The following TOX3 variants were observed in gnomAD, a reference collection of about 807,000 sequenced individuals.
TOX3 encodes the protein CAG trinucleotide repeat-containing gene F9 protein.
Under a neutral mutation model 64.3 loss-of-function variants are expected in TOX3, and 22 were observed. The observed-to-expected ratio is 0.34, with a 90% confidence interval of 0.24 to 0.49. The LOEUF (loss-of-function observed/expected upper bound fraction) is 0.49. Among genes scored for constraint, TOX3 ranks in the 20% least tolerant of loss-of-function variants. The pLI, the probability that TOX3 is intolerant of heterozygous loss-of-function variation, is 0.99. For synonymous variants in TOX3, 291 were observed against 273.6 expected (o/e 1.06, Z -0.63); for missense variants, 661 against 714.4 (o/e 0.93, Z 0.85).
At chr16:52,507,180 G>T (rs183267222) in intron 1 of TOX3, among the ~76,000 whole-genome samples, 1 of 152,300 alleles carries the variant, frequency 6.6e-6, no homozygotes. Flanking sequence ...TCAAAGAATG[G>T]GGATAGAAAG....
chr16:52,492,564 AATATAT>A (rs56848244), intron 1 of TOX3, among the ~76,000 whole-genome samples: 2,726 of 90,680 alleles, frequency 0.03, 155 homozygotes, highest in African/African-American at 0.12. Flanking sequence ...GTTGTATATA[AATATAT>A]ATATATATAT....
intron 1 of TOX3, among the ~76,000 whole-genome samples, chr16:52,530,319 G>T (rs942016830): frequency 6.8e-6 from 1 of 147,408 alleles, no homozygotes; most frequent in African/African-American, 2.6e-5. Flanking sequence ...GTTAACTTAG[G>T]GTTGAACTGC....
At chr16:52,519,683 C>G (rs561945731) in intron 1 of TOX3, 29 of 1,097,910 alleles carry the variant, frequency 2.6e-5, no homozygotes, top group Non-Finnish European at 3.4e-5. Flanking sequence ...ATGGGCTGGG[C>G]GCAGTCGCTC....
intron 1 of TOX3, among the ~76,000 whole-genome samples, chr16:52,496,022 C>A (rs776098376): frequency 3.9e-5 from 6 of 152,152 alleles, no homozygotes; most frequent in Non-Finnish European, 7.3e-5. Flanking sequence ...GTATCAAATT[C>A]TACCTATCAG....
At position 52,536,674 on chromosome 16, in the gene TOX3, T is replaced by TACAC. The variant is rs1430070323; in HGVS notation, c.87+9962_87+9963insGTGT. Among the ~76,000 whole-genome samples, 4 of 89,882 alleles carry TACAC rather than the reference T, an allele frequency of 4.5e-5. 1 individual carries two copies. The East Asian group carries it at 1.4e-3, about 32-fold the overall frequency. 59.0% of individuals were successfully genotyped at this position (89,882 alleles called of 152,430 possible). ...ATATATATATATATATATATATATA[T>TACAC]ATACATGTGTATATATAGAACAAGA... On this transcript the variant is annotated intron_variant, in intron 1 of 6. Coordinates refer to ENST00000219746, the MANE Select transcript of TOX3 (RefSeq NM_001080430.4).
At position 52,463,961 on chromosome 16, in the gene TOX3, G is replaced by A. The variant is rs370214431; in HGVS notation, c.381C>T (p.Gly127=). Residue 127 remains glycine, a synonymous_variant, in exon 3 of 7, where the codon GGC becomes GGT. Transcript: ENST00000219746. Reference sequence around the variant, plus strand: ...TATGCAACCCACTGCTATGAAGCACGCCATCTTGTTCCACGAGATTTCTTG... The same window carrying A: ...TATGCAACCCACTGCTATGAAGCACACCATCTTGTTCCACGAGATTTCTTG... The part of the protein sequence containing the change: ...TISRNLVEQD[G]VLHSSGLHMD... 1.6e-5 allele frequency: 26 copies of A among 1,577,378 alleles called. No homozygotes were observed. The highest frequency in any genetic ancestry group is 9.2e-5 in the East Asian group (4 of 43,266).
chr16:52,456,160 A>C (rs1275480184), intron 3 of TOX3, among the ~76,000 whole-genome samples: 1 of 152,218 alleles, frequency 6.6e-6, no homozygotes, highest in Admixed American at 6.5e-5. Flanking sequence ...TTATATTCAC[A>C]GTGTAGAAGG....
rs2037419809 is a variant in TOX3 at position 52,443,106 on chromosome 16, A to G, written c.987+1170T>C. 2.0e-5 allele frequency among the ~76,000 whole-genome samples: 3 copies of G among 152,198 alleles called. No individual in the cohort carries two copies. The South Asian group carries it at 6.2e-4, about 31-fold the overall frequency. ...CTCTGGATAAATGAATGAATAAATGATTCACTTAAGAAGTACATGCACACT... is the reference window on the plus strand; with the variant it reads ...CTCTGGATAAATGAATGAATAAATGGTTCACTTAAGAAGTACATGCACACT... On this transcript the variant is annotated intron_variant, in intron 6 of 6. Transcript: ENST00000219746.
chr16:52,506,106 A>G (rs571814713), intron 1 of TOX3, among the ~76,000 whole-genome samples: 1 of 152,360 alleles, frequency 6.6e-6, no homozygotes, highest in South Asian at 2.1e-4. Context: ...GTAGGACAAG[A>G]GCCGTCGTGT....
At chr16:52,442,172 C>T (rs1960013109) in intron 6 of TOX3, among the ~76,000 whole-genome samples, 1 of 152,104 alleles carries the variant, frequency 6.6e-6, no homozygotes, top group Admixed American at 6.5e-5. Flanking sequence ...CTTCTTGTTC[C>T]TTTATGGCTT....
At chr16:52,532,651 G>T (rs188929491) in intron 1 of TOX3, among the ~76,000 whole-genome samples, 5 of 152,196 alleles carry the variant, frequency 3.3e-5, no homozygotes, top group Non-Finnish European at 7.3e-5. Context: ...TATCACTCGC[G>T]ATAGATAACT....
chr16:52,496,425 T>A (rs1182599725), intron 1 of TOX3, among the ~76,000 whole-genome samples: 2 of 152,218 alleles, frequency 1.3e-5, no homozygotes, highest in Admixed American at 6.5e-5. Flanking sequence ...ACAGGGTACG[T>A]TATTTTATAA....
chr16:52,515,011 CA>C (rs56746564), intron 1 of TOX3, among the ~76,000 whole-genome samples: 954 of 15,718 alleles, frequency 0.061, 1 homozygote, highest in East Asian at 0.13. Flanking sequence ...GACTCCATCT[CA>C]AAAAAAAAAA....
chr16:52,521,029 T>C (rs1291691112), intron 1 of TOX3, among the ~76,000 whole-genome samples: 1 of 152,194 alleles, frequency 6.6e-6, no homozygotes, highest in Non-Finnish European at 1.5e-5. Flanking sequence ...AAATAATCTA[T>C]TTAATTCTAG....
chr16:52,449,838 A>G (rs1960280769), intron 4 of TOX3, among the ~76,000 whole-genome samples: 1 of 152,268 alleles, frequency 6.6e-6, no homozygotes, highest in Admixed American at 6.5e-5. Flanking sequence ...GAACTCAGCG[A>G]TAAACATCAC....
At chr16:52,515,987 G>A (rs1452801880) in intron 1 of TOX3, among the ~76,000 whole-genome samples, 1 of 151,460 alleles carries the variant, frequency 6.6e-6, no homozygotes, top group Non-Finnish European at 1.5e-5. Context: ...GTGTGTGTGT[G>A]TATCTGAATC....
intron 1 of TOX3, among the ~76,000 whole-genome samples, chr16:52,543,758 T>G (rs1409852984): frequency 1.3e-5 from 2 of 152,288 alleles, no homozygotes; most frequent in African/African-American, 4.8e-5. Flanking sequence ...TTCTCCTACT[T>G]GCAACGACTT....
intron 1 of TOX3, among the ~76,000 whole-genome samples, chr16:52,485,137 G>A (rs1231740776): frequency 9.2e-6 from 1 of 108,824 alleles, no homozygotes; most frequent in Non-Finnish European, 1.9e-5. Flanking sequence ...GTATACATAT[G>A]TGTGTATATG....
intron 1 of TOX3, among the ~76,000 whole-genome samples, chr16:52,500,005 A>G (rs1567337271): frequency 6.6e-6 from 1 of 152,248 alleles, no homozygotes; most frequent in Non-Finnish European, 1.5e-5. Context: ...CTTCTGATCC[A>G]ATGTAACAAG....
Sources: allele counts gnomAD v4.1 joint callset (sites outside exome capture counted in the v4.1 genomes callset), GRCh38; gene constraint gnomAD v4.1.1; transcripts MANE v1.5; gene names NCBI Gene and HGNC (gene_info 2026-07-23, HGNC 2026-07-21).